The following ATG7 variants were observed in gnomAD, a reference collection of about 807,000 sequenced individuals.
The protein encoded by ATG7 is autophagy related 7, also known as ubiquitin-like modifier-activating enzyme ATG7.
Under a neutral mutation model 82.4 loss-of-function variants are expected in ATG7, and 70 were observed. That is an observed-to-expected ratio of 0.85 (90% CI 0.70 to 1.04). The LOEUF (loss-of-function observed/expected upper bound fraction) is 1.04, where lower values mean the gene tolerates loss of function less well. Among genes scored for constraint, ATG7 ranks in the 50% least tolerant of loss-of-function variants. The pLI is 0.00. For missense variants in ATG7, 792 were observed against 864.3 expected (o/e 0.92, Z 1.05); for synonymous variants, 287 against 313.0 (o/e 0.92, Z 0.88).
chr3:11,400,190 A>T (rs934862696), intron 19 of ATG7, among the ~76,000 whole-genome samples: 1 of 152,196 alleles, frequency 6.6e-6, no homozygotes, highest in Non-Finnish European at 1.5e-5. Flanking sequence ...TAGTAGAGGT[A>T]ACCTGCTGGT....
In ATG7 at chr3:11,358,603, C is replaced by G; in HGVS notation, c.1470C>G (p.Ser490Arg). 5 of 1,612,976 alleles carry G rather than the reference C, an allele frequency of 3.1e-6. No individual in the cohort carries two copies. The highest frequency in any genetic ancestry group is 4.2e-6 in the Non-Finnish European group (5 of 1,179,778). The change falls in exon 15 of 21, where the codon AGC (serine) becomes AGG (arginine). Residue 490 changes from serine (S) to arginine (R), a missense_variant. Ser to Arg is a moderately radical substitution (Grantham distance 110). Coordinates refer to ENST00000693202, the MANE Select transcript of ATG7 (RefSeq NM_001349232.2). The part of the protein sequence containing the change: ...SRWLPAVIAA[S>R]KRKLVINAAL... ...GGCTTCCTGCCGTCATTGCTGCAAGCAAGAGAAAGGTAGGCCCTGTCTCTA... is the reference window on the plus strand; with the variant it reads ...GGCTTCCTGCCGTCATTGCTGCAAGGAAGAGAAAGGTAGGCCCTGTCTCTA...
At chr3:11,511,732 C>T (rs555918863) in intron 20 of ATG7, among the ~76,000 whole-genome samples, 1 of 152,246 alleles carries the variant, frequency 6.6e-6, no homozygotes, top group East Asian at 1.9e-4. Flanking sequence ...AGGTCCTGAG[C>T]CCTGCCCCGA....
chr3:11,341,072 C>A lies in ATG7; in HGVS notation c.980+337C>A, dbSNP rs376742909. 1.2e-4 allele frequency among the ~76,000 whole-genome samples: 18 copies of A among 151,914 alleles called. No individual in the cohort carries two copies. The South Asian group carries it at 3.8e-3, about 32-fold the overall frequency. On this transcript the variant is annotated intron_variant, in intron 12 of 20. Coordinates refer to ENST00000693202, the MANE Select transcript of ATG7 (RefSeq NM_001349232.2). ...TTGGCCCACTCCCCCGCCCCGTCCC[C>A]CACCCCGCCCCAGACAGAGTCTTGC...
At chr3:11,546,012 C>G (rs1431565875) in intron 20 of ATG7, among the ~76,000 whole-genome samples, 2 of 152,098 alleles carry the variant, frequency 1.3e-5, no homozygotes, top group African/African-American at 4.8e-5. Flanking sequence ...GTGGCATATG[C>G]CTGTAGTCCC....
At chr3:11,394,706 A>G (rs2079072091) in intron 19 of ATG7, among the ~76,000 whole-genome samples, 1 of 152,194 alleles carries the variant, frequency 6.6e-6, no homozygotes, top group South Asian at 2.1e-4. Context: ...GGCTGTAACA[A>G]TTTCACATTA....
chr3:11,558,158 A>C (rs2072612731), downstream of ATG7: 1 of 250,462 alleles, frequency 4.0e-6, no homozygotes, highest in South Asian at 7.1e-5. Flanking sequence ...GCTGAGCCAC[A>C]CACACCCCGG....
intron 19 of ATG7, among the ~76,000 whole-genome samples, chr3:11,404,996 G>T (rs2080195680): frequency 6.6e-6 from 1 of 152,146 alleles, no homozygotes; most frequent in Non-Finnish European, 1.5e-5. Context: ...AGATTCTTAA[G>T]AATATGCTTC....
chr3:11,565,351 T>C, the ATG7 span, among the ~76,000 whole-genome samples: 1 of 152,096 alleles, frequency 6.6e-6, no homozygotes, highest in Non-Finnish European at 1.5e-5. This position sits in a 1 kb window ranked among gnomAD's most constrained non-coding sequence, Gnocchi z 4.1. Context: ...CCAAGCTGGT[T>C]CGATAAGGAC....
At chr3:11,276,117 C>T (rs1450393168) in intron 1 of ATG7, among the ~76,000 whole-genome samples, 4 of 152,182 alleles carry the variant, frequency 2.6e-5, no homozygotes, top group African/African-American at 9.6e-5. Context: ...CTCTCTTGTC[C>T]ATTTCCCTTT....
At chr3:11,568,806 G>GGCGTGCCCGAGAGAGCCCACC in the ATG7 span, 1 of 1,435,140 alleles carries the variant, frequency 7.0e-7, no homozygotes, top group Non-Finnish European at 9.1e-7. The surrounding 1 kb of genome is among the most constrained non-coding windows in gnomAD (Gnocchi z 5.9). Context: ...GAGAGCCCAC[G>GGCGTGCCCGAGAGAGCCCACC]GCATCCCCGC....
rs926409662 is a variant in ATG7, at chr3:11,286,370, G to A, written c.-11+3932G>A. Among the ~76,000 whole-genome samples, 4 of 152,030 alleles carry A rather than the reference G, an allele frequency of 2.6e-5. 1 individual carries two copies. Among genetic ancestry groups the A allele is most frequent in the African/African-American group, 9.7e-5 (4 of 41,376 alleles). On this transcript the variant is annotated intron_variant, in intron 3 of 20. Transcript: ENST00000693202. ...CTTAGTCCTGAAAAAACAATAATAG[G>A]TTTAGGGACCTAAGTTATATGGCAT...
At chr3:11,449,587 C>T (rs368825270) in intron 20 of ATG7, among the ~76,000 whole-genome samples, 2 of 152,100 alleles carry the variant, frequency 1.3e-5, no homozygotes. Context: ...ATGATTTTCC[C>T]GACCCTTCCC....
intron 16 of ATG7, among the ~76,000 whole-genome samples, chr3:11,361,239 A>C (rs945784879): frequency 1.3e-5 from 2 of 152,100 alleles, no homozygotes; most frequent in African/African-American, 2.4e-5. Context: ...TAGTAAGTAA[A>C]AATATAGGAT....
chr3:11,336,165 C>T (rs1300524843), intron 11 of ATG7, among the ~76,000 whole-genome samples: 1 of 150,024 alleles, frequency 6.7e-6, no homozygotes, highest in Non-Finnish European at 1.5e-5. Context: ...TCCTGAGTAG[C>T]TGGGACTACA....
At chr3:11,419,895 C>T (rs966839507) in intron 19 of ATG7, among the ~76,000 whole-genome samples, 1 of 152,184 alleles carries the variant, frequency 6.6e-6, no homozygotes, top group African/African-American at 2.4e-5. Context: ...AAGGATCTTT[C>T]TACTAAAAGA....
intron 20 of ATG7, among the ~76,000 whole-genome samples, chr3:11,521,135 C>G (rs2092430096): frequency 6.6e-6 from 1 of 152,134 alleles, no homozygotes; most frequent in Non-Finnish European, 1.5e-5. Flanking sequence ...CAACAGATGA[C>G]AGATCATGAG....
At chr3:11,475,152 A>T (rs2088001499) in intron 20 of ATG7, among the ~76,000 whole-genome samples, 1 of 152,074 alleles carries the variant, frequency 6.6e-6, no homozygotes. Flanking sequence ...TGTTATTGAC[A>T]TCATAGACCA....
At chr3:11,536,683 A>G (rs1467438133) in intron 20 of ATG7, among the ~76,000 whole-genome samples, 1 of 152,162 alleles carries the variant, frequency 6.6e-6, no homozygotes, top group Non-Finnish European at 1.5e-5. Context: ...TAGGTGCGGA[A>G]CGAACCTGCT....
intron 20 of ATG7, among the ~76,000 whole-genome samples, chr3:11,534,905 G>A (rs2092761245): frequency 6.6e-6 from 1 of 152,246 alleles, no homozygotes; most frequent in Non-Finnish European, 1.5e-5. Context: ...GCGCAGCCCT[G>A]CTGCGGAGGC....
Sources: gnomAD v4.1 joint callset for allele counts (sites outside exome capture counted in the v4.1 genomes callset) on GRCh38, gnomAD v4.1.1 for gene constraint, Gnocchi (gnomAD v3.1) non-coding constraint, MANE v1.5 for transcripts, NCBI Gene and HGNC (gene_info 2026-07-23, HGNC 2026-07-21) for gene names.